The following LRRC74A variants were observed in gnomAD, a reference collection of about 807,000 sequenced individuals.
LRRC74A encodes leucine rich repeat containing 74A, also known as leucine-rich repeat-containing protein 74A.
A neutral mutation model predicts 57.9 loss-of-function variants in LRRC74A; 44 were observed. That is an observed-to-expected ratio of 0.76 (90% CI 0.60 to 0.98). The LOEUF (loss-of-function observed/expected upper bound fraction) is 0.98, where lower values mean the gene tolerates loss of function less well. Ranked by LOEUF, LRRC74A falls within the 50% of genes least tolerant of loss-of-function variation. The probability of loss-of-function intolerance (pLI) is 0.00; values close to 1 mark genes in which losing one functional copy is unlikely to be tolerated. For synonymous variants in LRRC74A, 211 were observed against 219.4 expected (o/e 0.96, Z 0.34); for missense variants, 572 against 574.0 (o/e 1.00, Z 0.04).
At chr14:76,835,486 CAA>C (rs11362184) in intron 3 of LRRC74A, among the ~76,000 whole-genome samples, 1,943 of 130,648 alleles carry the variant, frequency 0.015, 28 homozygotes, top group African/African-American at 0.042. Context: ...GACTCCATCT[CAA>C]AAAAAAAAAA....
At chr14:76,830,800 A>G (rs1432562935) in intron 2 of LRRC74A, among the ~76,000 whole-genome samples, 1 of 152,228 alleles carries the variant, frequency 6.6e-6, no homozygotes, top group Non-Finnish European at 1.5e-5. Context: ...TGAAGATTCC[A>G]TCAACCATCA....
At chr14:76,837,700 G>T (rs896863277) in intron 4 of LRRC74A, among the ~76,000 whole-genome samples, 175 bp from the exon 5 acceptor site, 1 of 151,908 alleles carries the variant, frequency 6.6e-6, no homozygotes, top group African/African-American at 2.4e-5. Flanking sequence ...TCTAGAGCCC[G>T]GTTTCCTATT....
intron 1 of LRRC74A, among the ~76,000 whole-genome samples, chr14:76,828,054 G>A (rs1187753684): frequency 2.6e-5 from 4 of 152,206 alleles, no homozygotes; most frequent in Non-Finnish European, 4.4e-5. Context: ...AGGAGCAGCC[G>A]GTCTCCAGGG....
intron 3 of LRRC74A, among the ~76,000 whole-genome samples, chr14:76,834,998 T>C (rs898751326): frequency 3.9e-5 from 6 of 152,148 alleles, no homozygotes; most frequent in African/African-American, 1.4e-4. Flanking sequence ...AGGACCAGCA[T>C]TAACACTCCT....
chr14:76,831,960 C>T (rs1166765715), intron 3 of LRRC74A, among the ~76,000 whole-genome samples: 1 of 152,156 alleles, frequency 6.6e-6, no homozygotes, highest in African/African-American at 2.4e-5. Context: ...AACTGACTCC[C>T]ATCACAGAAA....
chr14:76,867,506 T>C (rs1166694279), intron 13 of LRRC74A, 68 bp downstream of exon 13: 2 of 803,540 alleles, frequency 2.5e-6, no homozygotes, highest in Non-Finnish European at 4.3e-6. Flanking sequence ...TGTGAGCTCC[T>C]CCAGCTTTCC....
In LRRC74A at chr14:76,860,742, C is replaced by A; in HGVS notation, c.1103C>A (p.Ala368Asp). ...ATGAAAACGTTGGACGGAGTGTATG[C>A]CGTTCACCCGCAGCTGGACGTGGTA... ...QFMKTLDGVY[A>D]VHPQLDVVFK... Residue 368 changes from alanine to aspartate, a missense_variant, in exon 11 of 14, where the codon GCC (alanine) becomes GAC (aspartate). Physicochemically the swap from Ala to Asp is moderately radical, Grantham distance 126. Coordinates refer to ENST00000689127, the MANE Select transcript of LRRC74A (RefSeq NM_001385106.1). 6.2e-7 allele frequency: 1 copy of A among 1,611,864 alleles called. No individual in the cohort carries two copies. Among genetic ancestry groups the A allele is most frequent in the Non-Finnish European group, 8.5e-7 (1 of 1,178,274 alleles).
At chr14:76,860,942 A>G (rs933137676) in intron 11 of LRRC74A, 103 bp downstream of exon 11, 3 of 1,103,480 alleles carry the variant, frequency 2.7e-6, no homozygotes, top group Admixed American at 5.1e-5. Flanking sequence ...CAGTGTCTGT[A>G]CAACCCTCTC....
intron 12 of LRRC74A, among the ~76,000 whole-genome samples, chr14:76,866,997 T>G (rs1595407308): frequency 4.8e-5 from 1 of 20,634 alleles, no homozygotes; most frequent in Non-Finnish European, 8.1e-5. Context: ...GGTGTGTGTG[T>G]GGTAGTGTGG....
At chr14:76,836,952 C>T (rs926659152) in intron 4 of LRRC74A, among the ~76,000 whole-genome samples, 1 of 151,974 alleles carries the variant, frequency 6.6e-6, no homozygotes, top group Non-Finnish European at 1.5e-5. Context: ...ACCAGCCTGG[C>T]CAACATGGTG....
At chr14:76,829,452 C>T (rs944128400) in intron 2 of LRRC74A, among the ~76,000 whole-genome samples, 1 of 152,220 alleles carries the variant, frequency 6.6e-6, no homozygotes, top group Admixed American at 6.5e-5. Context: ...CTGTTGTTAA[C>T]GTTGCTTCTA....
intron 11 of LRRC74A, among the ~76,000 whole-genome samples, chr14:76,864,731 G>A (rs1412451323): frequency 1.3e-5 from 2 of 152,152 alleles, no homozygotes; most frequent in African/African-American, 4.8e-5. Flanking sequence ...GCGCATGCCT[G>A]TAATCCCAGC....
intron 7 of LRRC74A, among the ~76,000 whole-genome samples, chr14:76,848,674 G>A (rs1326890939): frequency 6.6e-6 from 1 of 152,232 alleles, no homozygotes; most frequent in Non-Finnish European, 1.5e-5. Flanking sequence ...GGAGCCAAGG[G>A]AGACATAGAG....
intron 5 of LRRC74A, among the ~76,000 whole-genome samples, chr14:76,839,254 C>T (rs773143624): frequency 3.9e-5 from 6 of 152,184 alleles, no homozygotes; most frequent in Non-Finnish European, 7.3e-5. Context: ...GTGAACTTAA[C>T]AACTGATTTC....
At chr14:76,853,953 C>T (rs910577091) in intron 9 of LRRC74A, among the ~76,000 whole-genome samples, 1 of 152,068 alleles carries the variant, frequency 6.6e-6, no homozygotes. Context: ...ATCTGACATC[C>T]ATTCCCCTTC....
intron 7 of LRRC74A, among the ~76,000 whole-genome samples, chr14:76,845,506 C>T (rs993127397): frequency 1.3e-5 from 2 of 152,066 alleles, no homozygotes; most frequent in African/African-American, 4.8e-5. Context: ...TAAGCATAAA[C>T]GGTCCAAAAG....
At chr14:76,854,873 C>T (rs1897773624) in intron 9 of LRRC74A, among the ~76,000 whole-genome samples, 4 of 152,284 alleles carry the variant, frequency 2.6e-5, no homozygotes, top group South Asian at 2.1e-4. Flanking sequence ...AGCCAGCTGT[C>T]GTTACTCATA....
chr14:76,867,359 A>C lies in LRRC74A; in HGVS notation c.1312A>C (p.Asn438His). Residue 438 changes from asparagine (N) to histidine (H), a missense_variant, in exon 13 of 14, where the codon AAC (asparagine) becomes CAC (histidine). Physicochemically the swap from Asn to His is moderately conservative, Grantham distance 68 (BLOSUM62 1). Coordinates refer to ENST00000689127, the MANE Select transcript of LRRC74A (RefSeq NM_001385106.1). Reference protein sequence around the residue: ...DEFQKVMIEQNKVPLNQYQVR... With the variant: ...DEFQKVMIEQHKVPLNQYQVR... ...CATGTTCCATCCACCTCCTCAGCAA[A>C]ACAAGGTCCCCCTGAACCAGTACCA... The C allele has an allele frequency of 6.4e-7, 1 of 1,561,370 alleles. No individual in the cohort carries two copies.
intron 9 of LRRC74A, among the ~76,000 whole-genome samples, chr14:76,855,588 G>T (rs76308589): frequency 1.3e-5 from 2 of 152,138 alleles, no homozygotes; most frequent in Non-Finnish European, 2.9e-5. Flanking sequence ...TTATCTATGG[G>T]TCTCCACATC....
Sources: gnomAD v4.1 joint callset for allele counts (sites outside exome capture counted in the v4.1 genomes callset) on GRCh38, gnomAD v4.1.1 for gene constraint, MANE v1.5 for transcripts, NCBI Gene and HGNC (gene_info 2026-07-23, HGNC 2026-07-21) for gene names.